Variants in CREBL2 observed in about 807,000 individuals in gnomAD.
CREBL2 encodes the protein cAMP-responsive element-binding protein-like 2.
In CREBL2, 4 loss-of-function variants were observed where a neutral mutation model predicts 19.5. The ratio of observed to expected loss-of-function variants is 0.20; its 90% CI spans 0.10 to 0.47. The LOEUF is 0.47. Ranked by LOEUF, CREBL2 falls within the 20% of genes least tolerant of loss-of-function variation. The pLI is 0.98. For synonymous variants in CREBL2, 42 were observed against 46.6 expected, an observed-to-expected ratio of 0.90 and a Z score of 0.40; for missense variants, 85 against 145.1, an observed-to-expected ratio of 0.59 and a Z score of 2.13.
At chr12:12,641,253 A>ATTATTATTTTTTTT (rs1478394376) in intron 3 of CREBL2, among the ~76,000 whole-genome samples, 28 of 78,242 alleles carry the variant, frequency 3.6e-4, no homozygotes, top group Non-Finnish European at 5.3e-4. Context: ...TATTATTATT[A>ATTATTATTTTTTTT]TTTTTTTTTA....
At chr12:12,638,644 A>G (rs1393109174) in intron 3 of CREBL2, among the ~76,000 whole-genome samples, 1 of 152,044 alleles carries the variant, frequency 6.6e-6, no homozygotes, top group Non-Finnish European at 1.5e-5. Flanking sequence ...ACTTTCATTT[A>G]TATTTATCTT....
intron 1 of CREBL2, among the ~76,000 whole-genome samples, chr12:12,622,087 TTTC>T (rs1253813281): frequency 6.6e-6 from 1 of 152,236 alleles, no homozygotes; most frequent in South Asian, 2.1e-4. Context: ...CAGATATTAC[TTTC>T]TTCAGATACG....
chr12:12,638,892 C>T (rs1945496716), intron 3 of CREBL2, among the ~76,000 whole-genome samples: 1 of 152,144 alleles, frequency 6.6e-6, no homozygotes, highest in Non-Finnish European at 1.5e-5. Flanking sequence ...GTTGTGCAAC[C>T]ATTATGTCTA....
At chr12:12,641,247 A>ATTTTTTTTTTTTTTTTTTTTTTTT (rs1380373401) in intron 3 of CREBL2, among the ~76,000 whole-genome samples, 1 of 22,068 alleles carries the variant, frequency 4.5e-5, no homozygotes, top group East Asian at 1.1e-3. Context: ...TATTATTATT[A>ATTTTTTTTTTTTTTTTTTTTTTTT]TTATTATTTT....
chr12:12,617,118 A>T lies in CREBL2; in HGVS notation c.15+4931A>T, dbSNP rs73277381. Among the ~76,000 whole-genome samples the T allele has an allele frequency of 3.7e-3, 571 of 152,314 alleles. 2 individuals carry two copies. Among genetic ancestry groups the T allele is most frequent in the African/African-American group, 0.013 (551 of 41,554 alleles). On this transcript the variant is annotated intron_variant, in intron 1 of 3. Transcript: ENST00000228865. ...AGCAGGACAGATTTGAATGGGGAAT[A>T]GCTTTGCCTCCCAAGTTTCTAGCAG...
intron 1 of CREBL2, among the ~76,000 whole-genome samples, chr12:12,617,877 G>C (rs1218368237): frequency 1.3e-5 from 2 of 150,926 alleles, no homozygotes; most frequent in South Asian, 4.2e-4. Context: ...GACTCTTAAC[G>C]AGCATGCTGC....
chr12:12,612,819 G>T (rs1335567996), intron 1 of CREBL2, among the ~76,000 whole-genome samples: 1 of 152,168 alleles, frequency 6.6e-6, no homozygotes, highest in Admixed American at 6.6e-5. Flanking sequence ...TAAAATAATA[G>T]ATAATGTTCA....
intron 1 of CREBL2, among the ~76,000 whole-genome samples, chr12:12,613,135 G>T (rs1415726803): frequency 1.3e-5 from 2 of 152,248 alleles, no homozygotes; most frequent in African/African-American, 2.4e-5. Flanking sequence ...CTCCCAAAGT[G>T]CTGGGATTAC....
At chr12:12,622,554 G>T (rs976579715) in intron 1 of CREBL2, among the ~76,000 whole-genome samples, 2 of 152,210 alleles carry the variant, frequency 1.3e-5, no homozygotes, top group Non-Finnish European at 2.9e-5. Context: ...GGGGTTGAGA[G>T]AGGAGAGGCA....
At chr12:12,629,881 CT>C (rs1019504126) in intron 1 of CREBL2, among the ~76,000 whole-genome samples, 5 of 152,134 alleles carry the variant, frequency 3.3e-5, no homozygotes, top group Admixed American at 3.3e-4. Context: ...AAGTTTTGTC[CT>C]TTTTTTCCTG....
intron 3 of CREBL2, among the ~76,000 whole-genome samples, chr12:12,639,037 A>G (rs1945498146): frequency 6.6e-6 from 1 of 152,134 alleles, no homozygotes; most frequent in Non-Finnish European, 1.5e-5. Flanking sequence ...CCTATTCTGT[A>G]TATTAATATT....
At chr12:12,641,312 A>G (rs1181193154) in intron 3 of CREBL2, among the ~76,000 whole-genome samples, 1 of 108,884 alleles carries the variant, frequency 9.2e-6, no homozygotes, top group Admixed American at 1.0e-4. Context: ...CAATGTTTCA[A>G]TATTTTTTTT....
rs140730655 is a variant in CREBL2 at position 12,630,242 on chromosome 12, G to A, written c.16-5535G>A. ...CTAGGCTTTTCTTTGATTACTAATC[G>A]AATAAAATTTTTTATTACTGATTGT... On this transcript the variant is annotated intron_variant, in intron 1 of 3. Coordinates refer to ENST00000228865, the MANE Select transcript of CREBL2 (RefSeq NM_001310.4). Among the ~76,000 whole-genome samples, 282 of 152,118 alleles carry A rather than the reference G, an allele frequency of 1.9e-3. 2 individuals carry two copies. The highest frequency in any genetic ancestry group is 6.6e-3 in the African/African-American group (274 of 41,516).
At chr12:12,627,481 T>C (rs1324010159) in intron 1 of CREBL2, among the ~76,000 whole-genome samples, 3 of 152,246 alleles carry the variant, frequency 2.0e-5, no homozygotes, top group East Asian at 1.9e-4. Flanking sequence ...TAATACAATA[T>C]GTGGCCTTTT....
At chr12:12,612,617 C>G (rs996210458) in intron 1 of CREBL2, among the ~76,000 whole-genome samples, 2 of 152,138 alleles carry the variant, frequency 1.3e-5, no homozygotes, top group African/African-American at 4.8e-5. Flanking sequence ...TTCATATAAT[C>G]AGTTCACTCC....
At chr12:12,625,166 T>G (rs1438569165) in intron 1 of CREBL2, among the ~76,000 whole-genome samples, 1 of 152,228 alleles carries the variant, frequency 6.6e-6, no homozygotes, top group African/African-American at 2.4e-5. Flanking sequence ...AAAACAGGGA[T>G]GTAAGTTCTC....
intron 1 of CREBL2, among the ~76,000 whole-genome samples, chr12:12,618,149 T>G (rs1159291574): frequency 6.6e-6 from 1 of 152,222 alleles, no homozygotes; most frequent in Non-Finnish European, 1.5e-5. Context: ...ACTGCCATCG[T>G]CATCATGGCC....
At chr12:12,637,755 T>C in intron 3 of CREBL2, 41 bp downstream of exon 3, 1 of 1,570,642 alleles carries the variant, frequency 6.4e-7, no homozygotes. Flanking sequence ...TAAGAGAGTG[T>C]CTCGGTTGGG....
intron 1 of CREBL2, 33 bp from the exon 2 acceptor site, chr12:12,635,744 G>C: frequency 6.4e-7 from 1 of 1,573,472 alleles, no homozygotes; most frequent in Non-Finnish European, 8.6e-7. Flanking sequence ...ACAGAACTAA[G>C]GAAAAAATTA....
Sources: allele counts gnomAD v4.1 joint callset (sites outside exome capture counted in the v4.1 genomes callset), GRCh38; gene constraint gnomAD v4.1.1; transcripts MANE v1.5; gene names NCBI Gene and HGNC (gene_info 2026-07-23, HGNC 2026-07-21).